Variants in RAD51B observed in about 807,000 individuals in gnomAD.
RAD51B encodes DNA repair protein RAD51 homolog 2.
A neutral mutation model predicts 42.2 loss-of-function variants in RAD51B; 38 were observed. That is an observed-to-expected ratio of 0.90 (90% CI 0.70 to 1.18). The LOEUF (loss-of-function observed/expected upper bound fraction) is 1.18, where lower values mean the gene tolerates loss of function less well. Among genes scored for constraint, RAD51B ranks in the 50% most tolerant of loss-of-function variants. The pLI is 0.00. For missense variants in RAD51B, 373 were observed against 400.7 expected (o/e 0.93, Z 0.59); for synonymous variants, 154 against 145.2 (o/e 1.06, Z -0.43).
chr14:68,022,824 G>A (rs2075889213), intron 7 of RAD51B, among the ~76,000 whole-genome samples: 1 of 151,940 alleles, frequency 6.6e-6, no homozygotes, highest in African/African-American at 2.4e-5. Context: ...CCCTCAAGTG[G>A]GCTCTATTGT....
rs529463165 is a variant in RAD51B at position 68,414,843 on chromosome 14, A to G, written c.957+3316A>G. Among the ~76,000 whole-genome samples, 21 of 139,674 alleles carry G rather than the reference A, an allele frequency of 1.5e-4. 1 individual carries two copies. In the South Asian group the frequency reaches 4.2e-3, roughly 28 times the overall value. 91.6% of individuals were successfully genotyped at this position (139,674 alleles called of 152,430 possible). ...TCGAGACCAGCCTGACCAACATGGT[A>G]AAACCCCATCTCTACTAAAAAAAAA... is the stretch of plus-strand genomic sequence containing the variant. On this transcript the variant is annotated intron_variant, in intron 9 of 10. Coordinates refer to ENST00000471583, the MANE Select transcript of RAD51B (RefSeq NM_133510.4).
intron 7 of RAD51B, among the ~76,000 whole-genome samples, chr14:68,191,127 A>G (rs1446428351): frequency 6.6e-6 from 1 of 152,232 alleles, no homozygotes; most frequent in African/African-American, 2.4e-5. Context: ...GTTCATTTTT[A>G]GAGAAATCGA....
At chr14:68,104,263 T>C (rs1392101615) in intron 7 of RAD51B, among the ~76,000 whole-genome samples, 34 of 152,110 alleles carry the variant, frequency 2.2e-4, no homozygotes, top group Non-Finnish European at 8.8e-5. Context: ...TATTATATAA[T>C]AGATAATAAA....
intron 7 of RAD51B, among the ~76,000 whole-genome samples, chr14:67,965,202 G>A (rs2074746474): frequency 6.6e-6 from 1 of 152,038 alleles, no homozygotes; most frequent in South Asian, 2.1e-4. Context: ...GTCTTCATTA[G>A]TGGCCTCTCC....
At chr14:67,907,161 T>C (rs752784916) in intron 7 of RAD51B, among the ~76,000 whole-genome samples, 25 of 152,052 alleles carry the variant, frequency 1.6e-4, no homozygotes, top group Non-Finnish European at 2.5e-4. Flanking sequence ...ATCAATCTTA[T>C]TCATTTTTTT....
chr14:68,477,081 C>A (rs886956488), intron 10 of RAD51B, among the ~76,000 whole-genome samples: 1 of 152,172 alleles, frequency 6.6e-6, no homozygotes, highest in Non-Finnish European at 1.5e-5. Context: ...AGACATGACC[C>A]CCTGAGGCTT....
intron 10 of RAD51B, among the ~76,000 whole-genome samples, chr14:68,555,588 C>T (rs973136768): frequency 6.6e-6 from 1 of 152,156 alleles, no homozygotes; most frequent in Non-Finnish European, 1.5e-5. Flanking sequence ...GACAGCAGGG[C>T]GGGTGAATCC....
chr14:68,682,017 A>G (rs1893441898), intron 11 of RAD51B, among the ~76,000 whole-genome samples: 3 of 152,206 alleles, frequency 2.0e-5, no homozygotes, highest in African/African-American at 7.2e-5. Flanking sequence ...GAACTTATCC[A>G]TGTAACCAAA....
chr14:68,401,203 T>G (rs1264943205), intron 8 of RAD51B, among the ~76,000 whole-genome samples: 1 of 152,240 alleles, frequency 6.6e-6, no homozygotes, highest in Non-Finnish European at 1.5e-5. Flanking sequence ...CTCTGTAGGA[T>G]AACATATGTC....
At chr14:68,495,147 C>G (rs1594911730) in intron 10 of RAD51B, among the ~76,000 whole-genome samples, 1 of 152,300 alleles carries the variant, frequency 6.6e-6, no homozygotes, top group South Asian at 2.1e-4. Flanking sequence ...GAGAGGCTGT[C>G]AGATGAATCA....
chr14:68,046,479 C>A (rs2076302259), intron 7 of RAD51B, among the ~76,000 whole-genome samples: 1 of 152,230 alleles, frequency 6.6e-6, no homozygotes, highest in Non-Finnish European at 1.5e-5. Context: ...TGGCTCATGC[C>A]TGCAATCCCA....
At chr14:68,556,407 T>C (rs1888849309) in intron 10 of RAD51B, among the ~76,000 whole-genome samples, 2 of 152,098 alleles carry the variant, frequency 1.3e-5, no homozygotes. Flanking sequence ...AGCATGCCCT[T>C]CCTCCCTGCA....
At chr14:68,022,203 A>C (rs1160682726) in intron 7 of RAD51B, among the ~76,000 whole-genome samples, 1 of 152,102 alleles carries the variant, frequency 6.6e-6, no homozygotes, top group Non-Finnish European at 1.5e-5. Context: ...CTGTTCCTGC[A>C]TTAATTTGCT....
intron 10 of RAD51B, among the ~76,000 whole-genome samples, chr14:68,571,497 C>T (rs945905205): frequency 6.6e-6 from 1 of 152,202 alleles, no homozygotes; most frequent in Non-Finnish European, 1.5e-5. Flanking sequence ...GAGCCAGCAA[C>T]ATCACAGCTC....
chr14:68,638,498 G>C (rs558729757), intron 10 of RAD51B, among the ~76,000 whole-genome samples: 9 of 152,170 alleles, frequency 5.9e-5, no homozygotes, highest in Non-Finnish European at 1.0e-4. Context: ...TGAATGTGCT[G>C]GGAGGAGGGA....
At position 68,087,821 on chromosome 14, in the gene RAD51B, AT is replaced by A. The variant is rs1251705412; in HGVS notation, c.756+200622del. On this transcript the variant is annotated intron_variant, in intron 7 of 10. Coordinates refer to ENST00000471583, the MANE Select transcript of RAD51B (RefSeq NM_133510.4). ...ATTATTTTATTGACTTAAAAATAAT[AT>A]TTTTAAATATTTAATTATATAATTA... Among the ~76,000 whole-genome samples the A allele has an allele frequency of 2.8e-4, 34 of 119,812 alleles. 1 individual carries two copies. Among genetic ancestry groups the A allele is most frequent in the Admixed American group, 1.5e-3 (17 of 11,356 alleles). 78.6% of individuals were successfully genotyped at this position (119,812 alleles called of 152,430 possible). A position where few individuals can be genotyped will look rare whatever the true frequency, so the allele number is the denominator to read the frequency against.
chr14:67,988,505 A>C (rs772518285), intron 7 of RAD51B, among the ~76,000 whole-genome samples: 3 of 152,158 alleles, frequency 2.0e-5, no homozygotes, highest in Non-Finnish European at 1.5e-5. Flanking sequence ...TAAAAAAGAA[A>C]TGAAAAACAA....
At chr14:68,259,312 G>GA (rs1185887575) in intron 7 of RAD51B, among the ~76,000 whole-genome samples, 1 of 146,824 alleles carries the variant, frequency 6.8e-6, no homozygotes, top group East Asian at 2.1e-4. Context: ...GGGGTAGGGG[G>GA]AGGGGGGAGG....
chr14:68,240,958 G>T (rs1161600426), intron 7 of RAD51B, among the ~76,000 whole-genome samples: 1 of 152,200 alleles, frequency 6.6e-6, no homozygotes, highest in African/African-American at 2.4e-5. Context: ...AGTCTGCAAA[G>T]CAAAGCAATT....
Sources: gnomAD v4.1 joint callset for allele counts (sites outside exome capture counted in the v4.1 genomes callset) on GRCh38, gnomAD v4.1.1 for gene constraint, MANE v1.5 for transcripts, NCBI Gene and HGNC (gene_info 2026-07-23, HGNC 2026-07-21) for gene names.